The following GPHN variants were observed in gnomAD, a reference collection of about 807,000 sequenced individuals.
The protein encoded by GPHN is gephyrin.
Under a neutral mutation model 95.5 loss-of-function variants are expected in GPHN, and 17 were observed. The ratio of observed to expected loss-of-function variants is 0.18; its 90% CI spans 0.12 to 0.27. The LOEUF (loss-of-function observed/expected upper bound fraction) is 0.27. GPHN is among the 10% of genes least tolerant of loss of function. The probability of loss-of-function intolerance (pLI) is 1.00; values close to 1 mark genes in which losing one functional copy is unlikely to be tolerated. For missense variants in GPHN, 660 were observed against 978.1 expected (o/e 0.67, Z 4.34); for synonymous variants, 320 against 322.5 (o/e 0.99, Z 0.08).
chr14:67,422,823 C>T, the GPHN span, among the ~76,000 whole-genome samples: 2 of 148,512 alleles, frequency 1.3e-5, no homozygotes, highest in African/African-American at 5.0e-5. Flanking sequence ...AGGCTTTCCC[C>T]ATCTTTTTTT....
intron 17 of GPHN, among the ~76,000 whole-genome samples, chr14:67,140,443 T>C (rs551290920): frequency 6.6e-6 from 1 of 151,972 alleles, no homozygotes; most frequent in Non-Finnish European, 1.5e-5. Context: ...AGTAATCAGC[T>C]AGGCTCCAGA....
chr14:67,651,434 A>G, the GPHN span: 1 of 1,613,944 alleles, frequency 6.2e-7, no homozygotes, highest in Non-Finnish European at 8.5e-7. Context: ...CAGGATGGCG[A>G]GCTCCAGTAA....
At chr14:67,546,104 C>T in the GPHN span, among the ~76,000 whole-genome samples, 1 of 152,092 alleles carries the variant, frequency 6.6e-6, no homozygotes, top group African/African-American at 2.4e-5. Context: ...ATGTTGAAGC[C>T]ACTTATTGCC....
the GPHN span, among the ~76,000 whole-genome samples, chr14:67,217,156 ACTTT>A: frequency 6.8e-6 from 1 of 146,902 alleles, no homozygotes; most frequent in African/African-American, 2.6e-5. Flanking sequence ...CTATAGAATG[ACTTT>A]CTTCATCTTT....
chr14:66,848,834 C>T (rs2062451300), intron 4 of GPHN, among the ~76,000 whole-genome samples: 2 of 151,684 alleles, frequency 1.3e-5, no homozygotes, highest in East Asian at 1.9e-4. Flanking sequence ...AATAAAAACA[C>T]CAATAATCTG....
At chr14:66,630,726 CCTCCCAAA>C (rs2063762096) in intron 1 of GPHN, among the ~76,000 whole-genome samples, 2 of 152,142 alleles carry the variant, frequency 1.3e-5, no homozygotes, top group Non-Finnish European at 2.9e-5. Flanking sequence ...CCTGCCTCGG[CCTCCCAAA>C]GTGCTGAGAT....
chr14:67,148,627 C>G (rs1284018739), intron 18 of GPHN, among the ~76,000 whole-genome samples: 1 of 136,866 alleles, frequency 7.3e-6, no homozygotes, highest in African/African-American at 2.9e-5. Flanking sequence ...GTGGTGCCAT[C>G]TCGGCTCACT....
chr14:66,804,004 G>T (rs1251505218), intron 3 of GPHN, among the ~76,000 whole-genome samples: 1 of 151,438 alleles, frequency 6.6e-6, no homozygotes, highest in South Asian at 2.1e-4. Context: ...CTCTTTTGGG[G>T]GTTTTTTTTG....
Position 66,740,777 on chromosome 14 carries a change from AACAC to A in GPHN, c.144-35684_144-35681del, listed in dbSNP as rs1205298851. Among the ~76,000 whole-genome samples, 5 of 152,214 alleles carry A rather than the reference AACAC, an allele frequency of 3.3e-5. No individual in the cohort carries two copies. In the East Asian group the frequency reaches 9.6e-4, roughly 29 times the overall value. On this transcript the variant is annotated intron_variant, in intron 2 of 22. Transcript: ENST00000478722. ...AAAGAGTAAGGCCTTGAATATTTGC[AACAC>A]ACTGAACTGTTGATTACTGGGGATT... is the stretch of plus-strand genomic sequence containing the variant.
intron 1 of GPHN, among the ~76,000 whole-genome samples, chr14:66,616,188 G>A (rs570207752): frequency 1.5e-5 from 2 of 134,734 alleles, no homozygotes; most frequent in South Asian, 2.4e-4. Flanking sequence ...GGCTATATGG[G>A]TTCTTCTTTG....
chr14:67,680,193 G>A, the GPHN span, among the ~76,000 whole-genome samples: 4 of 152,252 alleles, frequency 2.6e-5, no homozygotes, highest in African/African-American at 4.8e-5. Flanking sequence ...TCAAAATATC[G>A]TCACGTTTAC....
At chr14:67,439,593 C>CT in the GPHN span, among the ~76,000 whole-genome samples, 91 of 109,686 alleles carry the variant, frequency 8.3e-4, no homozygotes, top group African/African-American at 2.6e-3. Context: ...TTCTTTCTTT[C>CT]TTCTTTCTTT....
chr14:66,754,581 T>C (rs1169640008), intron 2 of GPHN, among the ~76,000 whole-genome samples: 3 of 151,958 alleles, frequency 2.0e-5, no homozygotes, highest in Admixed American at 6.6e-5. Context: ...TCTAGAGTAA[T>C]ATAAATAATG....
intron 1 of GPHN, among the ~76,000 whole-genome samples, chr14:66,517,197 G>C (rs917054051): frequency 1.4e-5 from 2 of 139,770 alleles, no homozygotes; most frequent in Non-Finnish European, 3.1e-5. Flanking sequence ...GATGTAAAAA[G>C]ATGAAGGAAC....
chr14:67,208,338 C>G, the GPHN span: 2 of 1,613,956 alleles, frequency 1.2e-6, no homozygotes, highest in South Asian at 2.2e-5. Context: ...TTTCAAACTA[C>G]CTTGACCCCA....
the GPHN span, among the ~76,000 whole-genome samples, chr14:67,565,217 T>C: frequency 6.6e-6 from 1 of 152,090 alleles, no homozygotes; most frequent in Admixed American, 6.6e-5. Context: ...CAAGGTCATG[T>C]AGTAGTTAGT....
chr14:67,094,822 T>C (rs1398169875), intron 12 of GPHN, among the ~76,000 whole-genome samples: 1 of 152,210 alleles, frequency 6.6e-6, no homozygotes, highest in East Asian at 1.9e-4. Flanking sequence ...TAAGGTCACA[T>C]AGTGCAACAC....
Position 66,645,023 on chromosome 14 carries a change from G to A in GPHN, c.65-36084G>A, listed in dbSNP as rs1273849552. Among the ~76,000 whole-genome samples the A allele has an allele frequency of 6.6e-5, 10 of 152,192 alleles. No homozygotes were observed. The East Asian group carries it at 1.3e-3, about 21-fold the overall frequency. ...CTTTCTTTCCCAATATATAGGAAAA[G>A]GTAATTCATGGGCCATCCTAAAGGA... On this transcript the variant is annotated intron_variant, in intron 1 of 22. Coordinates refer to ENST00000478722, the MANE Select transcript of GPHN (RefSeq NM_020806.5).
intron 12 of GPHN, 40 bp downstream of exon 12, chr14:67,089,115 A>ATTTTTTTTTTTT (rs371624615): frequency 1.1e-4 from 39 of 363,268 alleles, no homozygotes; most frequent in Non-Finnish European, 1.6e-4. Flanking sequence ...CAGGCACTGT[A>ATTTTTTTTTTTT]TTTTTTTTTC....
Sources: gnomAD v4.1 joint callset for allele counts (sites outside exome capture counted in the v4.1 genomes callset) on GRCh38, gnomAD v4.1.1 for gene constraint, MANE v1.5 for transcripts, NCBI Gene and HGNC (gene_info 2026-07-23, HGNC 2026-07-21) for gene names.